The following ADAMTS9 variants were observed in gnomAD, a reference collection of about 807,000 sequenced individuals.
The protein encoded by ADAMTS9 is ADAM metallopeptidase with thrombospondin type 1 motif 9, also known as A disintegrin and metalloproteinase with thrombospondin motifs 9.
A neutral mutation model predicts 257.1 loss-of-function variants in ADAMTS9; 107 were observed. The observed-to-expected ratio is 0.42, with a 90% CI of 0.36 to 0.49. ADAMTS9 has a LOEUF of 0.49. ADAMTS9 is among the 20% of genes least tolerant of loss of function. The pLI is 0.03. For missense variants in ADAMTS9, 2,353 were observed against 2,469.1 expected, an observed-to-expected ratio of 0.95 and a Z score of 1.00; for synonymous variants, 982 against 880.9, an observed-to-expected ratio of 1.11 and a Z score of -2.03.
At chr3:64,539,071 T>C in intron 37 of ADAMTS9, 132 bp downstream of exon 37, 1 of 823,600 alleles carries the variant, frequency 1.2e-6, no homozygotes, top group South Asian at 1.6e-5. Context: ...GAGAGGGTCT[T>C]GATACATGTG....
At chr3:64,629,197 T>C (rs1700304451) in intron 16 of ADAMTS9, among the ~76,000 whole-genome samples, 1 of 152,318 alleles carries the variant, frequency 6.6e-6, no homozygotes, top group South Asian at 2.1e-4. Context: ...ATTACTGCAA[T>C]GATTTCCTAA....
intron 30 of ADAMTS9, among the ~76,000 whole-genome samples, chr3:64,551,550 C>T (rs753690342): frequency 2.6e-5 from 4 of 152,132 alleles, no homozygotes; most frequent in East Asian, 1.9e-4. Context: ...CAACTCTGTT[C>T]CTGGCATTCA....
In ADAMTS9 at chr3:64,598,576, T is replaced by G. The variant is rs148822683; in HGVS notation, c.4018-1585A>C. Reference sequence around the variant, plus strand: ...CTCAAGCAATCCTCCTGTCTTAGCCTCCCAAAATGCTGGGATTACAGGGGT... The same window carrying G: ...CTCAAGCAATCCTCCTGTCTTAGCCGCCCAAAATGCTGGGATTACAGGGGT... On this transcript the variant is annotated intron_variant, in intron 26 of 39. Coordinates refer to ENST00000498707, the MANE Select transcript of ADAMTS9 (RefSeq NM_182920.2). 3.4e-3 allele frequency among the ~76,000 whole-genome samples: 519 copies of G among 152,232 alleles called. 12 individuals are homozygous for G. The East Asian group carries it at 0.045, about 13-fold the overall frequency.
At chr3:64,582,451 A>G (rs1252795355) in intron 28 of ADAMTS9, 1 of 152,194 alleles carries the variant, frequency 6.6e-6, no homozygotes, top group Middle Eastern at 3.2e-3. Flanking sequence ...CTCTGACTTA[A>G]CAAATAGGGA....
At chr3:64,645,186 A>C (rs1222557492) in intron 11 of ADAMTS9, among the ~76,000 whole-genome samples, 1 of 152,204 alleles carries the variant, frequency 6.6e-6, no homozygotes, top group Non-Finnish European at 1.5e-5. Context: ...GCCAAAATAA[A>C]GTCAGCCTTT....
At chr3:64,673,842 A>T (rs186915028) in intron 3 of ADAMTS9, among the ~76,000 whole-genome samples, 106 of 152,214 alleles carry the variant, frequency 7.0e-4, no homozygotes, top group African/African-American at 2.5e-3. Context: ...AAAATAAGCA[A>T]ATGTAGAAAA....
rs1701147410 is a variant in ADAMTS9 at position 64,658,719 on chromosome 3, G to C, written c.752C>G (p.Ala251Gly). The change falls in exon 4 of 40, where the codon GCT (alanine) becomes GGT (glycine). Residue 251 changes from alanine to glycine, a missense_variant. Physicochemically the swap from Ala to Gly is moderately conservative, Grantham distance 60. This residue lies in a region of ADAMTS9 where 591 missense variants were observed against 569.6 expected (regional missense o/e 1.04). Coordinates refer to ENST00000498707, the MANE Select transcript of ADAMTS9 (RefSeq NM_182920.2). ...GCTGTTTAATGCTGCTACGTCACCA[G>C]CCAGGTTAATCCTTTCTCCCCATTT... Reference protein sequence around the residue: ...ARKWGERINLAGDVAALNSGL... With the variant: ...ARKWGERINLGGDVAALNSGL... The C allele has an allele frequency of 1.9e-6, 3 of 1,614,128 alleles. No homozygotes were observed. Among genetic ancestry groups the C allele is most frequent in the Non-Finnish European group, 1.7e-6 (2 of 1,180,020 alleles).
At chr3:64,576,607 C>G (rs767218973) in intron 28 of ADAMTS9, among the ~76,000 whole-genome samples, 7 of 152,158 alleles carry the variant, frequency 4.6e-5, no homozygotes, top group Non-Finnish European at 7.3e-5. Context: ...CTGGGACCAC[C>G]CTGGCACTTA....
In ADAMTS9 at chr3:64,687,605, G is replaced by A; in HGVS notation, c.53C>T (p.Ala18Val). The change falls in exon 1 of 40, where the codon GCC becomes GTC. Residue 18 changes from alanine to valine, a missense_variant. Physicochemically the swap from Ala to Val is moderately conservative, Grantham distance 64. Coordinates refer to ENST00000498707, the MANE Select transcript of ADAMTS9 (RefSeq NM_182920.2). The surrounding 1 kb of genome is among the most constrained non-coding windows in gnomAD (Gnocchi z 4.4). ...TLLTLLVRDL[A>V]EMGSPDAAAA... is the part of the protein sequence containing the mutation. ...CGCGGCGTCTGGGCTCCCCATCTCG[G>A]CCAGGTCCCGCACCAGGAGCGTTAG... 6.3e-7 allele frequency: 1 copy of A among 1,585,694 alleles called. No homozygotes were observed. Among genetic ancestry groups the A allele is most frequent in the Non-Finnish European group, 8.6e-7 (1 of 1,167,496 alleles).
intron 19 of ADAMTS9, 84 bp downstream of exon 19, chr3:64,621,030 C>T: frequency 6.7e-7 from 1 of 1,491,798 alleles, no homozygotes; most frequent in South Asian, 1.3e-5. Flanking sequence ...AGACCAGCAT[C>T]CCCTCCTTTT....
At position 64,594,059 on chromosome 3, in the gene ADAMTS9, T is replaced by A. The variant is rs757088124; in HGVS notation, c.4356+199A>T. On this transcript the variant is annotated intron_variant, in intron 28 of 39. Coordinates refer to ENST00000498707, the MANE Select transcript of ADAMTS9 (RefSeq NM_182920.2). Reference sequence around the variant, plus strand: ...GCACCAGGTCCTGTATGAGGTACACTTATTCTTTAAAGTCACTTTGGCAAT... The same window carrying A: ...GCACCAGGTCCTGTATGAGGTACACATATTCTTTAAAGTCACTTTGGCAAT... Among the ~76,000 whole-genome samples the A allele has an allele frequency of 2.0e-5, 3 of 151,676 alleles. No individual in the cohort carries two copies. The South Asian group carries it at 6.3e-4, about 32-fold the overall frequency.
intron 28 of ADAMTS9, among the ~76,000 whole-genome samples, chr3:64,591,732 AT>A (rs1182553008): frequency 6.6e-6 from 1 of 152,148 alleles, no homozygotes; most frequent in Non-Finnish European, 1.5e-5. Context: ...GGCAATCTCC[AT>A]TTTGACCTTG....
chr3:64,647,957 C>G lies in ADAMTS9; in HGVS notation c.1693G>C (p.Glu565Gln), dbSNP rs772795336. 3.1e-6 allele frequency: 5 copies of G among 1,613,798 alleles called. No homozygotes were observed. Among genetic ancestry groups the G allele is most frequent in the South Asian group, 2.2e-5 (2 of 91,066 alleles). The change falls in exon 11 of 40, where the codon GAG (glutamate) becomes CAG (glutamine). Residue 565 changes from glutamate to glutamine, a missense_variant. Transcript: ENST00000498707. The part of the protein sequence containing the change: ...TQHTPWADGT[E>Q]CEPGKHCKYG... ...TTACTTGCCTTTCCAGGCTCGCACT[C>G]CGTCCCATCGGCCCAGGGTGTGTGC...
intron 28 of ADAMTS9, among the ~76,000 whole-genome samples, chr3:64,570,150 GACAA>G (rs2083643845): frequency 6.6e-6 from 1 of 151,908 alleles, no homozygotes; most frequent in Admixed American, 6.6e-5. Flanking sequence ...TTATTTATTC[GACAA>G]ACATTTATAG....
intron 6 of ADAMTS9, 25 bp downstream of exon 6, chr3:64,655,551 T>C: frequency 1.3e-6 from 2 of 1,566,972 alleles, no homozygotes; most frequent in Non-Finnish European, 1.8e-6. Context: ...GACTGAAAGA[T>C]CTGAGGAATA....
At chr3:64,582,081 C>T (rs1159329717) in intron 28 of ADAMTS9, among the ~76,000 whole-genome samples, 1 of 152,124 alleles carries the variant, frequency 6.6e-6, no homozygotes, top group Admixed American at 6.6e-5. Flanking sequence ...TTTTCTGACC[C>T]TCTGATCTCA....
chr3:64,658,857 T>G, intron 3 of ADAMTS9, 66 bp from the exon 4 acceptor site: 4 of 1,483,606 alleles, frequency 2.7e-6, no homozygotes, highest in Non-Finnish European at 3.6e-6. Flanking sequence ...AGAATTTAAT[T>G]TGACACATTT....
chr3:64,551,219 A>T (rs1027292348), intron 30 of ADAMTS9, among the ~76,000 whole-genome samples, 157 bp from the exon 31 acceptor site: 8 of 151,566 alleles, frequency 5.3e-5, no homozygotes, highest in Admixed American at 2.6e-4. Context: ...TTTTGGTTTT[A>T]TTTTTTTTGA....
At chr3:64,649,607 T>G (rs1198476501) in intron 10 of ADAMTS9, 30 bp downstream of exon 10, 1 of 1,578,068 alleles carries the variant, frequency 6.3e-7, no homozygotes, top group Admixed American at 1.8e-5. Context: ...AATCAGTAGA[T>G]GAGGGCAGAA....
Sources: gnomAD v4.1 joint callset for allele counts (sites outside exome capture counted in the v4.1 genomes callset) on GRCh38, gnomAD v4.1.1 for gene constraint, gnomAD v4.1.1 regional missense constraint, Gnocchi (gnomAD v3.1) non-coding constraint, MANE v1.5 for transcripts, NCBI Gene and HGNC (gene_info 2026-07-23, HGNC 2026-07-21) for gene names.